Variants in MPC2 observed in about 807,000 individuals in gnomAD.
MPC2 encodes brain protein 44.
MPC2 carries 19 observed loss-of-function variants against 19.2 expected under a neutral mutation model. The observed-to-expected ratio is 0.99, with a 90% CI of 0.69 to 1.45. The LOEUF (loss-of-function observed/expected upper bound fraction) is 1.45, where lower values mean the gene tolerates loss of function less well. MPC2 is among the 40% of genes most tolerant of loss of function. The pLI is 0.00. For synonymous variants in MPC2, 61 were observed against 54.3 expected (o/e 1.12, Z -0.54); for missense variants, 122 against 153.0 (o/e 0.80, Z 1.07).
Position 167,936,978 on chromosome 1 carries a change from G to T in MPC2, c.-97C>A. Reference sequence around the variant, plus strand: ...GAGGAAAAGGTCCCTCGGGCTGGAGGACCCGTCCCGGCTGCGGAGTCGCTA... The same window carrying T: ...GAGGAAAAGGTCCCTCGGGCTGGAGTACCCGTCCCGGCTGCGGAGTCGCTA... On this transcript the variant is annotated 5_prime_UTR_variant, in exon 1 of 6. Coordinates refer to ENST00000271373, the MANE Select transcript of MPC2 (RefSeq NM_001143674.4). The T allele has an allele frequency of 6.2e-7, 1 of 1,611,004 alleles. No individual in the cohort carries two copies. The highest frequency in any genetic ancestry group is 1.1e-5 in the South Asian group (1 of 90,352).
intron 3 of MPC2, among the ~76,000 whole-genome samples, chr1:167,922,599 A>G (rs1023600144): frequency 6.6e-6 from 1 of 151,604 alleles, no homozygotes; most frequent in Admixed American, 6.6e-5. Flanking sequence ...GTAGATATGA[A>G]AAAAAAAACC....
At chr1:167,925,451 A>ATATATC in intron 2 of MPC2, among the ~76,000 whole-genome samples, 1 of 109,430 alleles carries the variant, frequency 9.1e-6, no homozygotes, top group African/African-American at 3.9e-5. Flanking sequence ...ACATATATAT[A>ATATATC]TATATATATA....
chr1:167,936,502 C>G, intron 1 of MPC2: 1 of 217,970 alleles, frequency 4.6e-6, no homozygotes, highest in South Asian at 6.1e-5. Context: ...CGAATGCATT[C>G]TTCCAGGGTG....
intron 2 of MPC2, among the ~76,000 whole-genome samples, chr1:167,930,729 T>G (rs557987001): frequency 1.3e-5 from 2 of 152,354 alleles, no homozygotes; most frequent in African/African-American, 4.8e-5. Context: ...TTGATCCTAG[T>G]CCTCTTTCTA....
At chr1:167,930,225 A>C (rs1670870408) in intron 2 of MPC2, among the ~76,000 whole-genome samples, 1 of 152,228 alleles carries the variant, frequency 6.6e-6, no homozygotes, top group Non-Finnish European at 1.5e-5. Flanking sequence ...ATGTTGACTG[A>C]AAATACACTT....
chr1:167,930,912 C>T (rs1557856403), intron 2 of MPC2, among the ~76,000 whole-genome samples: 2 of 152,196 alleles, frequency 1.3e-5, no homozygotes, highest in South Asian at 2.1e-4. Flanking sequence ...GGATAGCACA[C>T]AAAAAATATG....
chr1:167,924,540 G>T lies in MPC2; in HGVS notation c.110-3C>A, dbSNP rs142144558. 1 of 1,243,794 alleles carries T rather than the reference G, an allele frequency of 8.0e-7. No homozygotes were observed. The highest frequency in any genetic ancestry group is 1.1e-6 in the Non-Finnish European group (1 of 925,546). 77.0% of individuals were successfully genotyped at this position (1,243,794 alleles called of 1,614,324 possible). On this transcript the variant is annotated splice_polypyrimidine_tract_variant and splice_region_variant and intron_variant, in intron 2 of 5. Coordinates refer to ENST00000271373, the MANE Select transcript of MPC2 (RefSeq NM_001143674.4). ...CCAGAAGAAAACTGTTCTGGGACCT[G>T]AAAAAAAAAAGAAAAGAAAAATTCA... is the stretch of plus-strand genomic sequence containing the variant.
In MPC2 at chr1:167,936,746, T is replaced by C. The variant is rs565704184; in HGVS notation, c.-58+193A>G. 3 of 620,846 alleles carry C rather than the reference T, an allele frequency of 4.8e-6. No individual in the cohort carries two copies. The East Asian group carries it at 8.6e-5, about 18-fold the overall frequency. The allele number at this position is 620,846 out of a possible 1,614,324, so 38.5% of individuals were successfully genotyped here. On this transcript the variant is annotated intron_variant, in intron 1 of 5. Coordinates refer to ENST00000271373, the MANE Select transcript of MPC2 (RefSeq NM_001143674.4). ...AGCTCCGGCCCGGGTGCGGCCGGGCTTCAGGGGCCCAGGCGCCGCTGCTGC... is the reference window on the plus strand; with the variant it reads ...AGCTCCGGCCCGGGTGCGGCCGGGCCTCAGGGGCCCAGGCGCCGCTGCTGC...
chr1:167,925,999 C>T (rs924311359), intron 2 of MPC2, among the ~76,000 whole-genome samples: 1 of 152,150 alleles, frequency 6.6e-6, no homozygotes, highest in Admixed American at 6.5e-5. Context: ...ATCTAAGTTT[C>T]ATTTTCTCAT....
rs1671054637 is a variant in MPC2 at position 167,935,089 on chromosome 1, C to T, written c.109+644G>A. 2.6e-5 allele frequency among the ~76,000 whole-genome samples: 4 copies of T among 152,106 alleles called. No homozygotes were observed. The South Asian group carries it at 8.3e-4, about 31-fold the overall frequency. On this transcript the variant is annotated intron_variant, in intron 2 of 5. Transcript: ENST00000271373. The stretch of plus-strand genomic sequence containing the variant: ...AGATCTAGGCTTTTGCTCAAGGTCA[C>T]AACTATAAGTGGTAGAAGAGAATGA...
chr1:167,932,415 T>C (rs756914307), intron 2 of MPC2, among the ~76,000 whole-genome samples: 4 of 152,218 alleles, frequency 2.6e-5, no homozygotes, highest in Non-Finnish European at 5.9e-5. Context: ...TTTCATTGTG[T>C]GCACCCCTTG....
In MPC2 at chr1:167,917,597, CAAA is replaced by C. The variant is rs36120795; in HGVS notation, c.*723_*725del. 9 of 79,780 alleles carry C rather than the reference CAAA, an allele frequency of 1.1e-4. No homozygotes were observed. The highest frequency in any genetic ancestry group is 1.5e-4 in the African/African-American group (3 of 20,192). The allele number at this position is 79,780 out of a possible 1,614,324, so 4.9% of individuals were successfully genotyped here. On this transcript the variant is annotated 3_prime_UTR_variant, in exon 6 of 6. Coordinates refer to ENST00000271373, the MANE Select transcript of MPC2 (RefSeq NM_001143674.4). ...TGGGCCACAGAGCGAGACCCTGTCT[CAAA>C]AAAAAAAAAAAAAAAAAAGTCACAA...
chr1:167,920,780 CA>C lies in MPC2; in HGVS notation c.151-150del, dbSNP rs141169447. On this transcript the variant is annotated intron_variant, in intron 3 of 5. Transcript: ENST00000271373. ...TTCATTAAGAAAATGTAGATTACAA[CA>C]AAAAAAAAGCACAATGAATTAAAAA... 6.7e-3 allele frequency: 5,231 copies of C among 780,804 alleles called. 114 individuals carry two copies. The highest frequency in any genetic ancestry group is 0.052 in the African/African-American group (2,870 of 55,654). 48.4% of individuals were successfully genotyped at this position (780,804 alleles called of 1,614,324 possible).
intron 3 of MPC2, among the ~76,000 whole-genome samples, chr1:167,923,008 A>AT (rs1339936655): frequency 6.6e-6 from 1 of 152,198 alleles, no homozygotes; most frequent in Non-Finnish European, 1.5e-5. Context: ...TCTAACACCC[A>AT]TTAGGTGCCT....
intron 5 of MPC2, among the ~76,000 whole-genome samples, chr1:167,919,751 T>G (rs1670553681): frequency 6.6e-6 from 1 of 152,180 alleles, no homozygotes. Flanking sequence ...TTTTAGTCAG[T>G]TAACTAGTTA....
chr1:167,920,065 A>C lies in MPC2; in HGVS notation c.261T>G (p.Leu87=). The change falls in exon 5 of 6, where the codon CTT becomes CTG. Residue 87 remains leucine (L), a synonymous_variant. Transcript: ENST00000271373. ...ATGFIWSRYS[L]VIIPKNWSLF... ...GACTCCAATTTTTTGGAATAATTAC[A>C]AGTGAGTATCTTGACCAAATAAACC... The C allele has an allele frequency of 6.2e-7, 1 of 1,613,198 alleles. No individual in the cohort carries two copies. Among genetic ancestry groups the C allele is most frequent in the Non-Finnish European group, 8.5e-7 (1 of 1,179,440 alleles).
At chr1:167,919,618 A>G (rs902549731) in intron 5 of MPC2, among the ~76,000 whole-genome samples, 2 of 152,346 alleles carry the variant, frequency 1.3e-5, no homozygotes, top group South Asian at 4.1e-4. Context: ...AAAGGTTTAC[A>G]TAAGAAATTA....
At chr1:167,929,353 C>G (rs1670842429) in intron 2 of MPC2, among the ~76,000 whole-genome samples, 1 of 151,646 alleles carries the variant, frequency 6.6e-6, no homozygotes, top group South Asian at 2.1e-4. Flanking sequence ...GAGCGAAACT[C>G]CGTCTCGAAA....
chr1:167,919,645 A>G (rs533395347), intron 5 of MPC2, among the ~76,000 whole-genome samples: 1 of 152,184 alleles, frequency 6.6e-6, no homozygotes, highest in African/African-American at 2.4e-5. Context: ...CATAAACTGT[A>G]TATGTTGTCT....
Sources: gnomAD v4.1 joint callset for allele counts (sites outside exome capture counted in the v4.1 genomes callset) on GRCh38, gnomAD v4.1.1 for gene constraint, MANE v1.5 for transcripts, NCBI Gene and HGNC (gene_info 2026-07-23, HGNC 2026-07-21) for gene names.